Variants in PTPRN2 observed in about 807,000 individuals in gnomAD.
PTPRN2 encodes protein tyrosine phosphatase receptor type N2.
PTPRN2 carries 74 observed loss-of-function variants against 118.8 expected under a neutral mutation model. The observed-to-expected ratio is 0.62, with a 90% CI of 0.52 to 0.76. The LOEUF (loss-of-function observed/expected upper bound fraction) is 0.76, where lower values mean the gene tolerates loss of function less well. Ranked by LOEUF, PTPRN2 falls within the 30% of genes least tolerant of loss-of-function variation. The pLI, the probability that PTPRN2 is intolerant of heterozygous loss-of-function variation, is 0.00. For synonymous variants in PTPRN2, 641 were observed against 608.0 expected, an observed-to-expected ratio of 1.05 and a Z score of -0.80; for missense variants, 1,481 against 1,394.4, an observed-to-expected ratio of 1.06 and a Z score of -0.99.
intron 12 of PTPRN2, among the ~76,000 whole-genome samples, chr7:157,892,581 C>T (rs1796870559): frequency 6.6e-6 from 1 of 152,068 alleles, no homozygotes; most frequent in African/African-American, 2.4e-5. Flanking sequence ...TTAGTAAATG[C>T]TATTAGATTT....
In PTPRN2 at chr7:158,359,901, C is replaced by A. The variant is rs191428168; in HGVS notation, c.164-42969G>T. 8.5e-4 allele frequency among the ~76,000 whole-genome samples: 129 copies of A among 152,214 alleles called. 1 individual carries two copies. The highest frequency in any genetic ancestry group is 3.0e-3 in the African/African-American group (125 of 41,538). ...CTTGGCCCCTCCTTGGTGCCCAAGA[C>A]CTAACACTGGAGATGTCAGCTGTGG... On this transcript the variant is annotated intron_variant, in intron 2 of 22. Transcript: ENST00000389418.
At chr7:157,891,014 T>C (rs1482773472) in intron 12 of PTPRN2, among the ~76,000 whole-genome samples, 2 of 152,028 alleles carry the variant, frequency 1.3e-5, no homozygotes, top group Non-Finnish European at 2.9e-5. Flanking sequence ...CCCACCTCCT[T>C]ACTCCGGCTC....
At chr7:158,333,716 C>A (rs1250266667) in intron 2 of PTPRN2, among the ~76,000 whole-genome samples, 5 of 150,428 alleles carry the variant, frequency 3.3e-5, no homozygotes, top group African/African-American at 7.4e-5. Flanking sequence ...AGAGCTGAGG[C>A]CCACAGAGGT....
At chr7:158,317,059 C>G in intron 2 of PTPRN2, 127 bp from the exon 3 acceptor site, 1 of 657,712 alleles carries the variant, frequency 1.5e-6, no homozygotes, top group South Asian at 2.2e-5. Flanking sequence ...CACGGCGTCA[C>G]CAGAGGGCTG....
intron 12 of PTPRN2, among the ~76,000 whole-genome samples, chr7:157,895,670 C>T (rs919514267): frequency 1.3e-5 from 2 of 152,084 alleles, no homozygotes; most frequent in Non-Finnish European, 2.9e-5. Flanking sequence ...AATAATCTGT[C>T]GTGTAGCATC....
chr7:157,588,927 T>A (rs1463285601), intron 17 of PTPRN2, among the ~76,000 whole-genome samples: 1 of 152,108 alleles, frequency 6.6e-6, no homozygotes, highest in East Asian at 1.9e-4. Flanking sequence ...AGAATTGGGC[T>A]CACTCTGTAT....
Position 158,367,539 on chromosome 7 carries a change from C to G in PTPRN2, c.164-50607G>C, listed in dbSNP as rs1455766312. On this transcript the variant is annotated intron_variant, in intron 2 of 22. Transcript: ENST00000389418. The stretch of plus-strand genomic sequence containing the variant: ...ACACTGTGCTGGAGTCAGGCTGGCT[C>G]CTGGGGAGCACGTCAGTCACCTGCT... Among the ~76,000 whole-genome samples the G allele has an allele frequency of 3.3e-5, 5 of 152,112 alleles. No individual in the cohort carries two copies. The East Asian group carries it at 7.7e-4, about 24-fold the overall frequency.
At chr7:158,011,810 G>A (rs796256247) in intron 11 of PTPRN2, among the ~76,000 whole-genome samples, 1 of 152,084 alleles carries the variant, frequency 6.6e-6, no homozygotes, top group South Asian at 2.1e-4. Flanking sequence ...GATGAGTTTT[G>A]TTTTTAAAAA....
intron 12 of PTPRN2, among the ~76,000 whole-genome samples, chr7:157,694,430 T>C (rs2150843817): frequency 6.6e-6 from 1 of 152,196 alleles, no homozygotes; most frequent in South Asian, 2.1e-4. Flanking sequence ...CCACCCCTCC[T>C]CTAAGGTGCG....
rs577065038 is a variant in PTPRN2, at chr7:157,782,182, G to A, written c.1789-99245C>T. Among the ~76,000 whole-genome samples, 19 of 152,366 alleles carry A rather than the reference G, an allele frequency of 1.2e-4. No homozygotes were observed. The East Asian group carries it at 2.9e-3, about 23-fold the overall frequency. ...GACCGTAGACCCCATGCTGAGGGGC[G>A]GCCACAGAGGTGTGCAGTGCAAAGC... On this transcript the variant is annotated intron_variant, in intron 12 of 22. Transcript: ENST00000389418.
At chr7:157,644,427 A>T (rs1046661739) in intron 14 of PTPRN2, among the ~76,000 whole-genome samples, 3 of 152,206 alleles carry the variant, frequency 2.0e-5, no homozygotes, top group Admixed American at 2.0e-4. Context: ...AGGCCAGGGC[A>T]GGCCCCTGGA....
chr7:157,996,143 A>G (rs1181475104), intron 11 of PTPRN2, among the ~76,000 whole-genome samples: 2 of 152,224 alleles, frequency 1.3e-5, no homozygotes, highest in Admixed American at 1.3e-4. Flanking sequence ...ACATGGATGG[A>G]ACTGGAGCCA....
chr7:157,724,834 G>A (rs1317434459), intron 12 of PTPRN2, among the ~76,000 whole-genome samples: 2 of 152,288 alleles, frequency 1.3e-5, no homozygotes, highest in East Asian at 3.9e-4. Flanking sequence ...GACCATCTGT[G>A]TATTGTTGAG....
chr7:157,816,588 T>C (rs1806415342), intron 12 of PTPRN2, among the ~76,000 whole-genome samples: 1 of 152,226 alleles, frequency 6.6e-6, no homozygotes, highest in Non-Finnish European at 1.5e-5. Context: ...CTTTTTACTG[T>C]CCACTGCCTG....
intron 21 of PTPRN2, among the ~76,000 whole-genome samples, chr7:157,557,500 T>C (rs1477981245): frequency 6.8e-6 from 1 of 147,430 alleles, no homozygotes; most frequent in Non-Finnish European, 1.5e-5. Context: ...CACACACAGG[T>C]ACACACGGCA....
chr7:157,566,985 G>T (rs1799517806), intron 21 of PTPRN2, among the ~76,000 whole-genome samples: 1 of 152,172 alleles, frequency 6.6e-6, no homozygotes, highest in African/African-American at 2.4e-5. Context: ...ACATAGGCTT[G>T]GTCAGAAACA....
intron 1 of PTPRN2, among the ~76,000 whole-genome samples, chr7:158,550,441 C>T (rs945759061): frequency 6.6e-6 from 1 of 152,252 alleles, no homozygotes; most frequent in African/African-American, 2.4e-5. Context: ...CTTTAACACC[C>T]AGTTCAGGTG....
intron 21 of PTPRN2, among the ~76,000 whole-genome samples, chr7:157,559,431 G>A (rs1157718154): frequency 6.6e-6 from 1 of 152,208 alleles, no homozygotes; most frequent in Non-Finnish European, 1.5e-5. Context: ...CACTGGCGGG[G>A]GCTGGACGAG....
intron 6 of PTPRN2, among the ~76,000 whole-genome samples, chr7:158,152,160 T>G (rs1282227258): frequency 7.3e-5 from 8 of 109,202 alleles, no homozygotes; most frequent in Admixed American, 1.2e-4. Context: ...GGTGAAAGAG[T>G]GAGACTCTGT....
Sources: gnomAD v4.1 joint callset for allele counts (sites outside exome capture counted in the v4.1 genomes callset) on GRCh38, gnomAD v4.1.1 for gene constraint, MANE v1.5 for transcripts, NCBI Gene and HGNC (gene_info 2026-07-23, HGNC 2026-07-21) for gene names.